Variants in ORC1 observed in about 807,000 individuals in gnomAD.
ORC1 encodes origin recognition complex subunit 1, also known as origin recognition complex, subunit 1 homolog.
A neutral mutation model predicts 98.9 loss-of-function variants in ORC1; 61 were observed. The observed-to-expected ratio is 0.62, with a 90% CI of 0.50 to 0.76. ORC1 has a LOEUF of 0.76. Among genes scored for constraint, ORC1 ranks in the 30% least tolerant of loss-of-function variants. The probability of loss-of-function intolerance (pLI) is 0.00; values close to 1 mark genes in which losing one functional copy is unlikely to be tolerated. For missense variants in ORC1, 979 were observed against 1,072.2 expected (o/e 0.91, Z 1.21); for synonymous variants, 385 against 406.9 (o/e 0.95, Z 0.65).
At chr1:52,402,254 TACCATGATA>T in intron 1 of ORC1, 26 bp from the exon 2 acceptor site, 1 of 1,529,918 alleles carries the variant, frequency 6.5e-7, no homozygotes, top group South Asian at 1.1e-5. Flanking sequence ...AACTCTGAGT[TACCATGATA>T]AATATTTGGT....
chr1:52,381,884 T>C (rs1647075268), intron 13 of ORC1, 123 bp from the exon 14 acceptor site: 11 of 880,740 alleles, frequency 1.2e-5, no homozygotes, highest in Admixed American at 1.1e-4. Context: ...ACACATTTCA[T>C]ACCTAGACTA....
At chr1:52,400,992 T>C (rs937885122) in intron 3 of ORC1, among the ~76,000 whole-genome samples, 4 of 152,180 alleles carry the variant, frequency 2.6e-5, no homozygotes, top group Admixed American at 1.3e-4. Context: ...TTGCAAAATA[T>C]ATTACTAACC....
At chr1:52,392,339 A>G (rs995625917) in intron 6 of ORC1, among the ~76,000 whole-genome samples, 3 of 152,154 alleles carry the variant, frequency 2.0e-5, no homozygotes, top group Non-Finnish European at 2.9e-5. Flanking sequence ...TGTGTTAGCC[A>G]GGATGGTCTT....
chr1:52,393,282 G>A (rs1029431346), intron 6 of ORC1, among the ~76,000 whole-genome samples, 161 bp downstream of exon 6: 1 of 152,152 alleles, frequency 6.6e-6, no homozygotes, highest in African/African-American at 2.4e-5. Context: ...TGACTCACTA[G>A]GTGTGGGAAG....
upstream of ORC1, chr1:52,405,563 G>A (rs1355103523): frequency 1.4e-5 from 12 of 881,630 alleles, no homozygotes; most frequent in Admixed American, 2.3e-5. Flanking sequence ...ATACACATTC[G>A]TTCTCCTAAT....
upstream of ORC1, chr1:52,408,181 A>G (rs1164349621): frequency 5.9e-6 from 2 of 338,448 alleles, no homozygotes; most frequent in Non-Finnish European, 1.1e-5. Flanking sequence ...CGGAGGTTGC[A>G]GTGAGCCAAG....
upstream of ORC1, among the ~76,000 whole-genome samples, chr1:52,407,302 C>T (rs965016672): frequency 3.3e-5 from 5 of 152,230 alleles, no homozygotes; most frequent in Admixed American, 6.5e-5. Flanking sequence ...AGGCGTGAGC[C>T]ACCGCCCCTG....
upstream of ORC1, chr1:52,404,473 C>A (rs563929206): frequency 1.8e-5 from 6 of 329,738 alleles, no homozygotes; most frequent in African/African-American, 1.3e-4. Context: ...CCAGACCGTC[C>A]CTTCGTTGCG....
chr1:52,397,705 T>C lies in ORC1; in HGVS notation c.382A>G (p.Thr128Ala), dbSNP rs1407658017. The change falls in exon 4 of 17, where the codon ACC becomes GCC. Residue 128 changes from threonine to alanine, a missense_variant. By Grantham distance (58) the Thr-to-Ala change is moderately conservative. Transcript: ENST00000371568. ...CCTACCCGAACAAGGCCAATGATGG[T>C]CTCCGCATTAATGTTGCTGTCACAG... is the stretch of plus-strand genomic sequence containing the variant. Reference protein sequence around the residue: ...PACDSNINAETIIGLVRVIPL... With the variant: ...PACDSNINAEAIIGLVRVIPL... 3 of 1,614,136 alleles carry C rather than the reference T, an allele frequency of 1.9e-6. No homozygotes were observed. The highest frequency in any genetic ancestry group is 2.5e-6 in the Non-Finnish European group (3 of 1,180,020).
At chr1:52,378,393 C>G (rs528931153) in intron 14 of ORC1, among the ~76,000 whole-genome samples, 40 of 150,642 alleles carry the variant, frequency 2.7e-4, no homozygotes, top group African/African-American at 9.8e-4. Context: ...GGTGCAGTGG[C>G]TCACACCTGT....
intron 3 of ORC1, among the ~76,000 whole-genome samples, chr1:52,399,756 G>A (rs985530374): frequency 1.3e-5 from 2 of 151,922 alleles, no homozygotes; most frequent in African/African-American, 4.8e-5. Context: ...TGCATGAGCT[G>A]AGATTGTGCC....
Position 52,385,918 on chromosome 1 carries a change from G to C in ORC1, c.1415C>G (p.Pro472Arg). Residue 472 changes from proline (P) to arginine (R), a missense_variant, in exon 9 of 17, where the codon CCT becomes CGT. Transcript: ENST00000371568. ...LKPRTPRCAA[P>R]QIRSRSLAAQ... ...AGCCAGGCTTCGACTACGGATCTGA[G>C]GAGCGGCACAACGTGGCGTTCTAGG... 1 of 1,613,752 alleles carries C rather than the reference G, an allele frequency of 6.2e-7. No homozygotes were observed. The highest frequency in any genetic ancestry group is 8.5e-7 in the Non-Finnish European group (1 of 1,179,986).
At chr1:52,395,268 ATG>A (rs1208545798) in intron 5 of ORC1, among the ~76,000 whole-genome samples, 2 of 152,158 alleles carry the variant, frequency 1.3e-5, no homozygotes, top group African/African-American at 2.4e-5. Flanking sequence ...ATAAAAATAT[ATG>A]TGTGTCTGCA....
intron 2 of ORC1, 99 bp downstream of exon 2, chr1:52,402,030 C>T (rs1647732910): frequency 1.1e-6 from 1 of 883,758 alleles, no homozygotes; most frequent in Admixed American, 1.9e-5. Context: ...CCTGTTCATT[C>T]ATGGTCAATC....
At chr1:52,391,785 C>T (rs908524366) in intron 6 of ORC1, among the ~76,000 whole-genome samples, 1 of 151,588 alleles carries the variant, frequency 6.6e-6, no homozygotes, top group African/African-American at 2.4e-5. Context: ...ATAGTCCCAG[C>T]TACTCAGGAG....
intron 3 of ORC1, among the ~76,000 whole-genome samples, chr1:52,399,850 C>T (rs1647618207): frequency 6.6e-6 from 1 of 151,008 alleles, no homozygotes; most frequent in African/African-American, 2.5e-5. Context: ...AGAATTACAG[C>T]ATCAACCACT....
At chr1:52,384,897 A>G (rs1647122950) in intron 10 of ORC1, among the ~76,000 whole-genome samples, 176 bp from the exon 11 acceptor site, 1 of 152,142 alleles carries the variant, frequency 6.6e-6, no homozygotes, top group Admixed American at 6.5e-5. Flanking sequence ...CTTATATAGA[A>G]TCATTCATTC....
chr1:52,392,648 T>C (rs1004886476), intron 6 of ORC1, among the ~76,000 whole-genome samples: 1 of 152,250 alleles, frequency 6.6e-6, no homozygotes, highest in South Asian at 2.1e-4. Flanking sequence ...TGCAAAAATA[T>C]GGAACCAGCC....
intron 6 of ORC1, among the ~76,000 whole-genome samples, chr1:52,390,328 T>C (rs567910672): frequency 6.6e-6 from 1 of 152,228 alleles, no homozygotes; most frequent in South Asian, 2.1e-4. Flanking sequence ...CAAAACAGCA[T>C]AGTACTGGTA....
Sources: gnomAD v4.1 joint callset for allele counts (sites outside exome capture counted in the v4.1 genomes callset) on GRCh38, gnomAD v4.1.1 for gene constraint, MANE v1.5 for transcripts, NCBI Gene and HGNC (gene_info 2026-07-23, HGNC 2026-07-21) for gene names.